The following CAMTA1 variants were observed in gnomAD, a reference collection of about 807,000 sequenced individuals.
CAMTA1 encodes the protein calmodulin binding transcription activator 1.
Under a neutral mutation model 170.9 loss-of-function variants are expected in CAMTA1, and 27 were observed. The ratio of observed to expected loss-of-function variants is 0.16; its 90% CI spans 0.12 to 0.22. The LOEUF (loss-of-function observed/expected upper bound fraction) is 0.22, where lower values mean the gene tolerates loss of function less well. Among genes scored for constraint, CAMTA1 ranks in the 10% least tolerant of loss-of-function variants. The pLI is 1.00. For missense variants in CAMTA1, 1,619 were observed against 2,217.2 expected, an observed-to-expected ratio of 0.73 and a Z score of 5.42; for synonymous variants, 833 against 891.5, an observed-to-expected ratio of 0.93 and a Z score of 1.17.
chr1:7,480,127 ATG>A lies in CAMTA1; in HGVS notation c.510+12235_510+12236del, dbSNP rs1433830181. ...TGAGAGCGTGTGTGTGTGTGTGAGT[ATG>A]TGTGTGTGAGCGCCTGTGTCCGTGT... On this transcript the variant is annotated intron_variant, in intron 6 of 22. Transcript: ENST00000303635. 2.9e-4 allele frequency among the ~76,000 whole-genome samples: 18 copies of A among 62,166 alleles called. No homozygotes were observed. The South Asian group carries it at 4.9e-3, about 17-fold the overall frequency. The allele number at this position is 62,166 out of a possible 152,430, so 40.8% of individuals were successfully genotyped here. A position where few individuals can be genotyped will look rare whatever the true frequency, so the allele number is the denominator to read the frequency against.
chr1:7,076,083 T>C (rs534412866), intron 3 of CAMTA1, among the ~76,000 whole-genome samples: 1 of 152,280 alleles, frequency 6.6e-6, no homozygotes, highest in South Asian at 2.1e-4. Context: ...GACCCAGATC[T>C]CCAGGGAATT....
chr1:7,213,319 T>C (rs537708695), intron 4 of CAMTA1, among the ~76,000 whole-genome samples: 1 of 152,366 alleles, frequency 6.6e-6, no homozygotes, highest in East Asian at 1.9e-4. Flanking sequence ...GTGTGTAATG[T>C]TATCTAATCG....
chr1:7,735,796 AG>A (rs1320228054), intron 12 of CAMTA1, among the ~76,000 whole-genome samples: 1 of 151,888 alleles, frequency 6.6e-6, no homozygotes, highest in African/African-American at 2.4e-5. Context: ...TTTTGAGACA[AG>A]GTCTTGCTCT....
intron 4 of CAMTA1, among the ~76,000 whole-genome samples, chr1:7,170,423 C>T (rs976211183): frequency 1.3e-5 from 2 of 151,802 alleles, no homozygotes; most frequent in Non-Finnish European, 1.5e-5. Flanking sequence ...GGTTTTAAGC[C>T]CTGCATGCAT....
intron 11 of CAMTA1, among the ~76,000 whole-genome samples, chr1:7,721,239 C>A (rs942015137): frequency 6.6e-6 from 1 of 152,180 alleles, no homozygotes; most frequent in Admixed American, 6.5e-5. Flanking sequence ...CCAGGCATAG[C>A]AGAAAGAACA....
Position 7,633,409 on chromosome 1 carries a change from C to CA in CAMTA1, c.511-6990dup, listed in dbSNP as rs771007708. 6.6e-6 allele frequency among the ~76,000 whole-genome samples: 1 copy of CA among 152,204 alleles called. No individual in the cohort carries two copies. The highest frequency in any genetic ancestry group is 1.5e-5 in the Non-Finnish European group (1 of 68,024). On this transcript the variant is annotated intron_variant, in intron 6 of 22. Transcript: ENST00000303635. This position sits in a 1 kb window ranked among gnomAD's most constrained non-coding sequence, Gnocchi z 4.1. ...GGGGCAGAGAGCTCGTGGACCCCCC[C>CA]AGATGCCACCCCTCCTGGGCCCCTT...
intron 3 of CAMTA1, among the ~76,000 whole-genome samples, chr1:7,046,627 C>T (rs1056093323): frequency 6.6e-6 from 1 of 152,186 alleles, no homozygotes; most frequent in African/African-American, 2.4e-5. Context: ...TTGAAGATCT[C>T]ATGGTTCAGT....
chr1:7,547,828 G>A lies in CAMTA1; in HGVS notation c.510+79927G>A, dbSNP rs184364172. Among the ~76,000 whole-genome samples the A allele has an allele frequency of 1.4e-3, 209 of 148,398 alleles. 3 individuals carry two copies. Among genetic ancestry groups the A allele is most frequent in the East Asian group, 6.1e-4 (3 of 4,908 alleles). ...TCTCACATCTCTGCCACCCCATGTG[G>A]GCCCCCTCCAAACCCAGACTCTGAC... On this transcript the variant is annotated intron_variant, in intron 6 of 22. Coordinates refer to ENST00000303635, the MANE Select transcript of CAMTA1 (RefSeq NM_015215.4). This position sits in a 1 kb window ranked among gnomAD's most constrained non-coding sequence, Gnocchi z 5.7.
intron 6 of CAMTA1, among the ~76,000 whole-genome samples, chr1:7,498,437 ATGAG>A (rs760657736): frequency 8.2e-5 from 12 of 146,806 alleles, no homozygotes; most frequent in African/African-American, 3.0e-4. Flanking sequence ...GTGCGTGTGT[ATGAG>A]TGTGTGTGAA....
In CAMTA1 at chr1:6,887,547, A is replaced by G. The variant is rs1673567912; in HGVS notation, c.234+62337A>G. 1 of 1,492,430 alleles carries G rather than the reference A, an allele frequency of 6.7e-7. No individual in the cohort carries two copies. Among genetic ancestry groups the G allele is most frequent in the Non-Finnish European group, 8.9e-7 (1 of 1,123,796 alleles). 92.4% of individuals were successfully genotyped at this position (1,492,430 alleles called of 1,614,324 possible). A position where few individuals can be genotyped will look rare whatever the true frequency, so the allele number is the denominator to read the frequency against. The stretch of plus-strand genomic sequence containing the variant: ...TATATACTTTAGTTTGCCTTTACCC[A>G]GATGTCTCCTCCTCTCTCTGCCTCT... On this transcript the variant is annotated intron_variant, in intron 3 of 22. Transcript: ENST00000303635. The surrounding 1 kb of genome is among the most constrained non-coding windows in gnomAD (Gnocchi z 4.1).
Position 7,293,153 on chromosome 1 carries a change from C to T in CAMTA1, c.438+43527C>T, listed in dbSNP as rs138345599. ...TCTACTGCTTTCCAGTGGACAGGGA[C>T]GGGGTGGGGCTGCCTTCCTGGGAAG... On this transcript the variant is annotated intron_variant, in intron 5 of 22. Transcript: ENST00000303635. This position sits in a 1 kb window ranked among gnomAD's most constrained non-coding sequence, Gnocchi z 4.1. Among the ~76,000 whole-genome samples, 5 of 152,140 alleles carry T rather than the reference C, an allele frequency of 3.3e-5. No homozygotes were observed. The highest frequency in any genetic ancestry group is 3.4e-3 in the Middle Eastern group (1 of 294).
chr1:7,543,891 T>G (rs1034115429), intron 6 of CAMTA1, among the ~76,000 whole-genome samples: 3 of 152,052 alleles, frequency 2.0e-5, no homozygotes, highest in Admixed American at 1.3e-4. Context: ...TCTTGGCAGA[T>G]GTCATGGAAA....
At chr1:6,915,447 T>G (rs956514595) in intron 3 of CAMTA1, among the ~76,000 whole-genome samples, 3 of 152,248 alleles carry the variant, frequency 2.0e-5, no homozygotes, top group African/African-American at 7.2e-5. Flanking sequence ...CCTGCCCAGC[T>G]TCCTGATGTG....
chr1:6,864,624 C>T (rs1665949080), intron 3 of CAMTA1, among the ~76,000 whole-genome samples: 1 of 152,188 alleles, frequency 6.6e-6, no homozygotes, highest in South Asian at 2.1e-4. Flanking sequence ...ACACTCTCAG[C>T]TCCCTTAGAC....
chr1:6,807,806 G>A (rs1229862878), intron 1 of CAMTA1, among the ~76,000 whole-genome samples: 2 of 151,802 alleles, frequency 1.3e-5, no homozygotes, highest in Non-Finnish European at 2.9e-5. Flanking sequence ...ATACTTTTCT[G>A]AACATTTTTC....
intron 22 of CAMTA1, among the ~76,000 whole-genome samples, chr1:7,758,354 G>A (rs572951903): frequency 1.3e-4 from 20 of 152,332 alleles, no homozygotes; most frequent in African/African-American, 4.3e-4. Context: ...TGCATGGAAA[G>A]TTGGAATCTC....
At position 7,333,968 on chromosome 1, in the gene CAMTA1, C is replaced by G. The variant is rs761468025; in HGVS notation, c.438+84342C>G. On this transcript the variant is annotated intron_variant, in intron 5 of 22. Coordinates refer to ENST00000303635, the MANE Select transcript of CAMTA1 (RefSeq NM_015215.4). This position sits in a 1 kb window ranked among gnomAD's most constrained non-coding sequence, Gnocchi z 4.4. ...CGCCTCTCTTTAGACTCCTGGGGCT[C>G]TCTGCTCTCCAGCCTGATGTGGGCA... 5.1e-4 allele frequency among the ~76,000 whole-genome samples: 77 copies of G among 152,260 alleles called. No homozygotes were observed. Among genetic ancestry groups the G allele is most frequent in the East Asian group, 9.7e-4 (5 of 5,180 alleles).
At chr1:7,548,644 G>C (rs1387907394) in intron 6 of CAMTA1, among the ~76,000 whole-genome samples, 5 of 143,390 alleles carry the variant, frequency 3.5e-5, no homozygotes, top group Admixed American at 1.4e-4. Context: ...TGGAGGTGCT[G>C]GTGGAGGGTG....
At position 6,971,324 on chromosome 1, in the gene CAMTA1, C is replaced by T. The variant is rs1330134175; in HGVS notation, c.235-119980C>T. On this transcript the variant is annotated intron_variant, in intron 3 of 22. Transcript: ENST00000303635. This position sits in a 1 kb window ranked among gnomAD's most constrained non-coding sequence, Gnocchi z 4.6. Reference sequence around the variant, plus strand: ...TTGAACTTTCTTCTTTGTGGCAGCACGCTTATAAAAAGGTAATCAAATAGC... The same window carrying T: ...TTGAACTTTCTTCTTTGTGGCAGCATGCTTATAAAAAGGTAATCAAATAGC... Among the ~76,000 whole-genome samples the T allele has an allele frequency of 2.0e-5, 3 of 152,280 alleles. No individual in the cohort carries two copies. Among genetic ancestry groups the T allele is most frequent in the South Asian group, 2.1e-4 (1 of 4,824 alleles).
Sources: allele counts gnomAD v4.1 joint callset (sites outside exome capture counted in the v4.1 genomes callset), GRCh38; gene constraint gnomAD v4.1.1; non-coding constraint Gnocchi (gnomAD v3.1); transcripts MANE v1.5; gene names NCBI Gene and HGNC (gene_info 2026-07-23, HGNC 2026-07-21).